The following WASF3 variants were observed in gnomAD, a reference collection of about 807,000 sequenced individuals.
The protein encoded by WASF3 is WASP family member 3.
WASF3 carries 11 observed loss-of-function variants against 46.6 expected under a neutral mutation model. The ratio of observed to expected loss-of-function variants is 0.24; its 90% CI spans 0.15 to 0.39. The LOEUF (loss-of-function observed/expected upper bound fraction) is 0.39, where lower values mean the gene tolerates loss of function less well. Ranked by LOEUF, WASF3 falls within the 10% of genes least tolerant of loss-of-function variation. The pLI is 1.00. For synonymous variants in WASF3, 242 were observed against 259.7 expected (o/e 0.93, Z 0.65); for missense variants, 576 against 669.8 (o/e 0.86, Z 1.55).
intron 7 of WASF3, among the ~76,000 whole-genome samples, chr13:26,680,818 T>C (rs916987823): frequency 7.2e-5 from 11 of 152,182 alleles, no homozygotes; most frequent in Non-Finnish European, 1.2e-4. Context: ...GTCTGACTTA[T>C]TCACTTCAAA....
chr13:26,613,816 A>G (rs1188131838), intron 2 of WASF3, among the ~76,000 whole-genome samples: 1 of 152,128 alleles, frequency 6.6e-6, no homozygotes, highest in East Asian at 1.9e-4. Flanking sequence ...TTTTACAATA[A>G]TTTACTCTGA....
upstream of WASF3, among the ~76,000 whole-genome samples, chr13:26,554,852 C>A (rs953998338): frequency 1.3e-5 from 2 of 152,106 alleles, no homozygotes; most frequent in African/African-American, 4.8e-5. Context: ...CATTCGGGTA[C>A]AAGTTTTTGT....
chr13:26,676,587 A>G lies in WASF3; in HGVS notation c.579A>G (p.Lys193=). The G allele has an allele frequency of 1.2e-6, 2 of 1,614,146 alleles. No homozygotes were observed. Among genetic ancestry groups the G allele is most frequent in the South Asian group, 1.1e-5 (1 of 91,084 alleles). Residue 193 remains lysine (K), a synonymous_variant, in exon 7 of 10, where the codon AAA becomes AAG. Transcript: ENST00000335327. ...TAGATGGCACCACCCGTGAGGTGAA[A>G]AAGGTTAGAAAAGCCAGAAACAGGC... ...KRIDGTTREV[K]KVRKARNRRQ...
rs1048795723 is a variant in WASF3 at position 26,688,589 on chromosome 13, T to C, written c.*2744T>C. On this transcript the variant is annotated 3_prime_UTR_variant, in exon 10 of 10. Coordinates refer to ENST00000335327, the MANE Select transcript of WASF3 (RefSeq NM_006646.6). ...ATGTTTTTCTTTACTAAGGATACTA[T>C]TCAAAAATTAACATTTTCATCTCAG... 6.6e-6 allele frequency: 1 copy of C among 152,264 alleles called. No homozygotes were observed. The highest frequency in any genetic ancestry group is 1.5e-5 in the Non-Finnish European group (1 of 68,048). 9.4% of individuals were successfully genotyped at this position (152,264 alleles called of 1,614,324 possible).
intron 1 of WASF3, among the ~76,000 whole-genome samples, chr13:26,607,098 G>T (rs766940896): frequency 6.6e-6 from 1 of 152,124 alleles, no homozygotes. Context: ...AGTATATAGG[G>T]TTTAGTACTA....
intron 4 of WASF3, among the ~76,000 whole-genome samples, chr13:26,666,266 A>G (rs1882767769): frequency 6.6e-6 from 1 of 152,246 alleles, no homozygotes; most frequent in African/African-American, 2.4e-5. Flanking sequence ...TAAATTAGCT[A>G]TTCATCTTTC....
At chr13:26,678,075 TTACA>T (rs1376565988) in intron 7 of WASF3, among the ~76,000 whole-genome samples, 18 of 152,044 alleles carry the variant, frequency 1.2e-4, no homozygotes, top group Non-Finnish European at 2.9e-5. Flanking sequence ...TTTATGTTGC[TTACA>T]TACATCTGCG....
chr13:26,596,885 A>G (rs1880482975), intron 1 of WASF3, among the ~76,000 whole-genome samples: 1 of 152,176 alleles, frequency 6.6e-6, no homozygotes, highest in Non-Finnish European at 1.5e-5. Flanking sequence ...AGCTCATCGA[A>G]TGAGTTCTTT....
intron 2 of WASF3, among the ~76,000 whole-genome samples, chr13:26,624,019 G>T (rs1352727019): frequency 6.6e-6 from 1 of 152,162 alleles, no homozygotes; most frequent in Non-Finnish European, 1.5e-5. Context: ...ATTCATTGCT[G>T]GACAAGAAAT....
intron 3 of WASF3, among the ~76,000 whole-genome samples, chr13:26,663,321 C>G (rs1882684428): frequency 6.6e-6 from 1 of 152,170 alleles, no homozygotes; most frequent in Non-Finnish European, 1.5e-5. Flanking sequence ...GTCTGGAGCT[C>G]AGGAAGGTGT....
At chr13:26,654,508 C>G (rs1882411450) in intron 3 of WASF3, among the ~76,000 whole-genome samples, 5 of 152,168 alleles carry the variant, frequency 3.3e-5, no homozygotes, top group Non-Finnish European at 7.4e-5. Context: ...TTCATGAGAA[C>G]AGGGGCTGTG....
chr13:26,574,910 C>T (rs1234517685), intron 1 of WASF3, among the ~76,000 whole-genome samples: 1 of 151,042 alleles, frequency 6.6e-6, no homozygotes, highest in Non-Finnish European at 1.5e-5. Context: ...GATCTCGGCT[C>T]ACTGCAAGCT....
intron 7 of WASF3, among the ~76,000 whole-genome samples, chr13:26,677,503 C>T (rs1418003442): frequency 2.0e-5 from 3 of 151,902 alleles, no homozygotes; most frequent in Non-Finnish European, 1.5e-5. Context: ...TTCAAAACAA[C>T]AGCAACCTGG....
chr13:26,612,068 G>A (rs770817674), intron 1 of WASF3, among the ~76,000 whole-genome samples: 3 of 151,998 alleles, frequency 2.0e-5, no homozygotes, highest in African/African-American at 4.8e-5. Context: ...GCTGCACCCC[G>A]CCCCACTTCT....
rs757192091 is a variant in WASF3, at chr13:26,685,881, G to A, written c.*36G>A. The A allele has an allele frequency of 5.6e-6, 9 of 1,599,684 alleles. No homozygotes were observed. Among genetic ancestry groups the A allele is most frequent in the Non-Finnish European group, 6.8e-6 (8 of 1,168,106 alleles). ...GCGGAGAGGCCGCGTGTGGGAGCGT[G>A]TTGAAGATTTTAAGTGGTCTCTACA... On this transcript the variant is annotated 3_prime_UTR_variant, in exon 10 of 10. Coordinates refer to ENST00000335327, the MANE Select transcript of WASF3 (RefSeq NM_006646.6).
At position 26,626,184 on chromosome 13, in the gene WASF3, T is replaced by C. The variant is rs761110582; in HGVS notation, c.-11+13126T>C. 4.6e-5 allele frequency: 7 copies of C among 152,364 alleles called. No homozygotes were observed. In the East Asian group the frequency reaches 9.7e-4, roughly 21 times the overall value. The allele number at this position is 152,364 out of a possible 1,614,324, so 9.4% of individuals were successfully genotyped here. ...TACAGCATGGGCAAGTGGGGACTTATAGCCAAGGATCAGTGAGAGGGTCAG... is the reference window on the plus strand; with the variant it reads ...TACAGCATGGGCAAGTGGGGACTTACAGCCAAGGATCAGTGAGAGGGTCAG... On this transcript the variant is annotated intron_variant, in intron 2 of 9. Coordinates refer to ENST00000335327, the MANE Select transcript of WASF3 (RefSeq NM_006646.6).
At chr13:26,622,296 C>G (rs761536963) in intron 2 of WASF3, among the ~76,000 whole-genome samples, 3 of 152,122 alleles carry the variant, frequency 2.0e-5, no homozygotes, top group Non-Finnish European at 4.4e-5. Flanking sequence ...AGAAAGAAAT[C>G]CACTACAAAA....
intron 7 of WASF3, among the ~76,000 whole-genome samples, chr13:26,677,919 T>C (rs1883113642): frequency 6.6e-6 from 1 of 152,200 alleles, no homozygotes; most frequent in African/African-American, 2.4e-5. Context: ...GTTTTTATCC[T>C]ATATAGACTT....
chr13:26,554,092 C>CTT (rs1443126879), upstream of WASF3, among the ~76,000 whole-genome samples: 7 of 23,264 alleles, frequency 3.0e-4, 1 homozygote, highest in South Asian at 4.1e-3. Flanking sequence ...TCCTTCCTTC[C>CTT]TTCCTTCTTT....
Sources: allele counts gnomAD v4.1 joint callset (sites outside exome capture counted in the v4.1 genomes callset), GRCh38; gene constraint gnomAD v4.1.1; transcripts MANE v1.5; gene names NCBI Gene and HGNC (gene_info 2026-07-23, HGNC 2026-07-21).